Variants in PTPRD observed in about 807,000 individuals in gnomAD.
PTPRD encodes the protein protein tyrosine phosphatase receptor type D.
PTPRD carries 34 observed loss-of-function variants against 214.5 expected under a neutral mutation model. The ratio of observed to expected loss-of-function variants is 0.16; its 90% CI spans 0.12 to 0.21. PTPRD has a LOEUF of 0.21. Ranked by LOEUF, PTPRD falls within the 10% of genes least tolerant of loss-of-function variation. The pLI is 1.00. For missense variants in PTPRD, 2,545 were observed against 2,398.7 expected (o/e 1.06, Z -1.27); for synonymous variants, 1,128 against 845.7 (o/e 1.33, Z -5.79).
At chr9:9,919,818 G>C (rs2082042453) in intron 5 of PTPRD, among the ~76,000 whole-genome samples, 1 of 152,248 alleles carries the variant, frequency 6.6e-6, no homozygotes, top group South Asian at 2.1e-4. Context: ...GCATTTGTAA[G>C]ATATCAATGC....
intron 5 of PTPRD, among the ~76,000 whole-genome samples, chr9:9,845,987 G>A (rs1455437574): frequency 1.5e-4 from 23 of 152,024 alleles, no homozygotes; most frequent in Non-Finnish European, 5.9e-5. Context: ...CAACTGGGAG[G>A]AACTAAGGCG....
chr9:8,776,435 G>C (rs910902095), intron 11 of PTPRD, among the ~76,000 whole-genome samples: 3 of 152,070 alleles, frequency 2.0e-5, no homozygotes, highest in African/African-American at 7.2e-5. Context: ...CCAAGTAGCT[G>C]GGACTACAGG....
chr9:8,505,091 A>C (rs2097513769), intron 22 of PTPRD, among the ~76,000 whole-genome samples: 1 of 152,202 alleles, frequency 6.6e-6, no homozygotes, highest in Non-Finnish European at 1.5e-5. Flanking sequence ...AAAAAAATAG[A>C]TTCACAAATG....
chr9:8,518,670 C>G (rs2097831817), intron 20 of PTPRD, among the ~76,000 whole-genome samples: 1 of 152,164 alleles, frequency 6.6e-6, no homozygotes, highest in East Asian at 1.9e-4. Flanking sequence ...TATCCAAATC[C>G]TCTACTTATT....
chr9:10,187,694 A>G (rs1205413582), intron 3 of PTPRD, among the ~76,000 whole-genome samples: 1 of 152,196 alleles, frequency 6.6e-6, no homozygotes, highest in Non-Finnish European at 1.5e-5. Flanking sequence ...ACCAGGTGCA[A>G]CGGAGGTTTT....
chr9:9,265,096 G>A (rs569631309), intron 9 of PTPRD, among the ~76,000 whole-genome samples: 8 of 151,594 alleles, frequency 5.3e-5, no homozygotes, highest in African/African-American at 9.7e-5. Flanking sequence ...ACATATGCAA[G>A]TTAACTCACT....
intron 4 of PTPRD, among the ~76,000 whole-genome samples, chr9:10,013,781 T>C (rs1049759417): frequency 3.9e-5 from 6 of 152,030 alleles, no homozygotes; most frequent in Non-Finnish European, 8.8e-5. Context: ...TTTTATGTTT[T>C]AAATTTCTGC....
At chr9:8,883,693 A>C (rs1362391384) in intron 11 of PTPRD, among the ~76,000 whole-genome samples, 2 of 152,064 alleles carry the variant, frequency 1.3e-5, no homozygotes, top group Non-Finnish European at 2.9e-5. Context: ...TTCTGAAGAG[A>C]CCCCGTTGAG....
At chr9:9,145,611 A>C (rs915612226) in intron 10 of PTPRD, among the ~76,000 whole-genome samples, 1 of 152,126 alleles carries the variant, frequency 6.6e-6, no homozygotes, top group Non-Finnish European at 1.5e-5. Flanking sequence ...AATAACAGGA[A>C]TCTGTTTTCT....
rs1238843101 is a variant in PTPRD at position 9,897,797 on chromosome 9, T to G, written c.-368+40710A>C. Among the ~76,000 whole-genome samples, 3 of 152,124 alleles carry G rather than the reference T, an allele frequency of 2.0e-5. No homozygotes were observed. The South Asian group carries it at 6.2e-4, about 31-fold the overall frequency. ...ACTTGATATTTTTTAAAGTAGACAA[T>G]GTACACTTAACTGTTTTTCTGACTC... On this transcript the variant is annotated intron_variant, in intron 5 of 45. Transcript: ENST00000381196.
intron 3 of PTPRD, among the ~76,000 whole-genome samples, chr9:10,067,187 C>T (rs879101872): frequency 2.6e-5 from 4 of 151,852 alleles, no homozygotes; most frequent in Admixed American, 2.6e-4. Context: ...TATGTTCCTA[C>T]CAATTTATAA....
chr9:8,626,153 A>C (rs1293182952), intron 14 of PTPRD, among the ~76,000 whole-genome samples: 1 of 151,910 alleles, frequency 6.6e-6, no homozygotes, highest in South Asian at 2.1e-4. Context: ...ACTAATTTGG[A>C]AAACCAGGAT....
intron 7 of PTPRD, among the ~76,000 whole-genome samples, chr9:9,629,741 G>A (rs1038749150): frequency 6.6e-6 from 1 of 151,978 alleles, no homozygotes; most frequent in Admixed American, 6.6e-5. Context: ...TTGGGGAAAG[G>A]AATAGGCTCT....
intron 5 of PTPRD, among the ~76,000 whole-genome samples, chr9:9,861,455 C>T (rs2062759325): frequency 6.6e-6 from 1 of 151,926 alleles, no homozygotes. Context: ...CATGCCCAGG[C>T]TAATTTTTGT....
chr9:8,403,242 G>A (rs543207136), intron 36 of PTPRD, among the ~76,000 whole-genome samples: 4 of 152,236 alleles, frequency 2.6e-5, no homozygotes, highest in African/African-American at 9.6e-5. Flanking sequence ...AACAGGGACA[G>A]GTACTCGAAC....
chr9:9,845,712 G>C (rs1447002827), intron 5 of PTPRD, among the ~76,000 whole-genome samples: 1 of 152,074 alleles, frequency 6.6e-6, no homozygotes, highest in Non-Finnish European at 1.5e-5. Flanking sequence ...TCCTCAGCAA[G>C]AGGACGTGAA....
At chr9:8,736,125 G>A (rs577449553) in intron 11 of PTPRD, among the ~76,000 whole-genome samples, 1 of 152,176 alleles carries the variant, frequency 6.6e-6, no homozygotes, top group African/African-American at 2.4e-5. Flanking sequence ...GCCACAGCAA[G>A]AGTTTCAGGT....
intron 9 of PTPRD, among the ~76,000 whole-genome samples, chr9:9,357,487 C>A (rs1239064387): frequency 6.6e-6 from 1 of 151,010 alleles, no homozygotes; most frequent in Non-Finnish European, 1.5e-5. Context: ...CTTTGAATGG[C>A]GTTAGTCACT....
At chr9:8,577,220 ACT>A (rs1161561417) in intron 14 of PTPRD, among the ~76,000 whole-genome samples, 1 of 145,462 alleles carries the variant, frequency 6.9e-6, no homozygotes, top group African/African-American at 2.5e-5. Flanking sequence ...AAGAACTTGA[ACT>A]CTTTTATTTT....
Sources: gnomAD v4.1 joint callset for allele counts (sites outside exome capture counted in the v4.1 genomes callset) on GRCh38, gnomAD v4.1.1 for gene constraint, MANE v1.5 for transcripts, NCBI Gene and HGNC (gene_info 2026-07-23, HGNC 2026-07-21) for gene names.